The following MAF variants were observed in gnomAD, a reference collection of about 807,000 sequenced individuals.
MAF encodes transcription factor Maf.
MAF carries 10 observed loss-of-function variants against 22.0 expected under a neutral mutation model. The ratio of observed to expected loss-of-function variants is 0.45; its 90% CI spans 0.28 to 0.77. The LOEUF is 0.77. MAF is among the 30% of genes least tolerant of loss of function. The pLI is 0.12. For synonymous variants in MAF, 337 were observed against 255.8 expected (o/e 1.32, Z -3.03); for missense variants, 544 against 548.4 (o/e 0.99, Z 0.08).
chr16:79,438,373 A>G, the MAF span, among the ~76,000 whole-genome samples: 3 of 152,192 alleles, frequency 2.0e-5, no homozygotes, highest in South Asian at 2.1e-4. Context: ...GCTTCGCCAC[A>G]ATTAGAAACT....
chr16:79,512,908 G>C, the MAF span, among the ~76,000 whole-genome samples: 1 of 152,214 alleles, frequency 6.6e-6, no homozygotes, highest in Non-Finnish European at 1.5e-5. Context: ...ATAGGCACAC[G>C]CATCCATCCA....
At chr16:79,373,622 C>A in the MAF span, among the ~76,000 whole-genome samples, 2 of 152,024 alleles carry the variant, frequency 1.3e-5, no homozygotes, top group Admixed American at 1.3e-4. Context: ...ACCTGACCCA[C>A]CTGCCTCAGC....
chr16:79,471,692 C>T, the MAF span, among the ~76,000 whole-genome samples: 3 of 152,010 alleles, frequency 2.0e-5, no homozygotes, highest in Non-Finnish European at 4.4e-5. Context: ...TGCAAACAAA[C>T]AAAAAAACCC....
chr16:79,225,036 A>T, the MAF span, among the ~76,000 whole-genome samples: 6 of 152,218 alleles, frequency 3.9e-5, no homozygotes, highest in Non-Finnish European at 5.9e-5. Flanking sequence ...TGGAACCAAA[A>T]AAGAGCCCAC....
At chr16:79,388,633 G>A in the MAF span, among the ~76,000 whole-genome samples, 1 of 152,056 alleles carries the variant, frequency 6.6e-6, no homozygotes, top group East Asian at 1.9e-4. Context: ...AGAAACAATA[G>A]CCAATAAAAT....
chr16:79,277,022 T>A, the MAF span, among the ~76,000 whole-genome samples: 1 of 152,028 alleles, frequency 6.6e-6, no homozygotes, highest in Admixed American at 6.6e-5. Context: ...TGTATCTAAA[T>A]CTCTCTTTTT....
the MAF span, among the ~76,000 whole-genome samples, chr16:79,215,546 T>C: frequency 0.5 from 75,671 of 152,074 alleles, 20,493 homozygotes; most frequent in Non-Finnish European, 0.62. Context: ...GGCCTCCTGC[T>C]TCCTGGCCGT....
At chr16:79,527,057 A>G in the MAF span, among the ~76,000 whole-genome samples, 3 of 152,318 alleles carry the variant, frequency 2.0e-5, no homozygotes, top group East Asian at 5.8e-4. Flanking sequence ...ACTAACTCCA[A>G]CACACCAGTG....
chr16:79,539,221 A>G, the MAF span, among the ~76,000 whole-genome samples: 1 of 152,234 alleles, frequency 6.6e-6, no homozygotes, highest in Non-Finnish European at 1.5e-5. Context: ...TTTTAAAATT[A>G]GGCCAGGTGT....
the MAF span, among the ~76,000 whole-genome samples, chr16:79,324,319 C>G: frequency 4.6e-5 from 7 of 152,054 alleles, no homozygotes; most frequent in Non-Finnish European, 1.0e-4. Context: ...TTGTGTGGGT[C>G]TGCTTATATG....
chr16:79,219,680 G>T, the MAF span, among the ~76,000 whole-genome samples: 1 of 149,886 alleles, frequency 6.7e-6, no homozygotes, highest in African/African-American at 2.5e-5. Context: ...TGCCACCATT[G>T]TACGTCTCCA....
the MAF span, among the ~76,000 whole-genome samples, chr16:79,561,468 C>A: frequency 7.3e-6 from 1 of 137,810 alleles, no homozygotes; most frequent in South Asian, 2.6e-4. Context: ...CCTCCCCCCT[C>A]CCCTCACCCC....
the MAF span, chr16:79,205,624 T>A: frequency 3.3e-5 from 5 of 152,210 alleles, no homozygotes; most frequent in Admixed American, 6.5e-5. Context: ...ATTCCTCTTC[T>A]ATAATAAAGG....
the MAF span, among the ~76,000 whole-genome samples, chr16:79,472,006 T>C: frequency 6.6e-6 from 1 of 152,256 alleles, no homozygotes; most frequent in South Asian, 2.1e-4. Flanking sequence ...TCCACAGCAA[T>C]TTTTCCTTGC....
chr16:79,407,759 A>G, the MAF span, among the ~76,000 whole-genome samples: 1 of 152,040 alleles, frequency 6.6e-6, no homozygotes, highest in African/African-American at 2.4e-5. Flanking sequence ...CTCCGTCCTG[A>G]CACAAGTTGA....
At chr16:79,299,291 C>A in the MAF span, among the ~76,000 whole-genome samples, 1 of 147,370 alleles carries the variant, frequency 6.8e-6, no homozygotes, top group African/African-American at 2.5e-5. Context: ...TCTGCAAACG[C>A]ATTGTCTGCC....
At chr16:79,317,917 CT>C in the MAF span, among the ~76,000 whole-genome samples, 1 of 9,040 alleles carries the variant, frequency 1.1e-4, no homozygotes, top group Non-Finnish European at 1.5e-3. Flanking sequence ...CATTCATTCA[CT>C]CACTCACTCA....
At chr16:79,410,384 T>C in the MAF span, among the ~76,000 whole-genome samples, 81,504 of 152,158 alleles carry the variant, frequency 0.54, 22,704 homozygotes, top group East Asian at 0.9. Context: ...CACATGCCAT[T>C]AGTGGCCATC....
chr16:79,256,197 A>G, the MAF span, among the ~76,000 whole-genome samples: 1 of 150,720 alleles, frequency 6.6e-6, no homozygotes, highest in Non-Finnish European at 1.5e-5. Context: ...ACCATGTTAG[A>G]CAGGATGGTC....
Sources: allele counts gnomAD v4.1 joint callset (sites outside exome capture counted in the v4.1 genomes callset), GRCh38; gene constraint gnomAD v4.1.1; transcripts MANE v1.5; gene names NCBI Gene and HGNC (gene_info 2026-07-23, HGNC 2026-07-21).